CDH19: variants seen among roughly 807,000 people sequenced by gnomAD.
CDH19 encodes cadherin 19.
Under a neutral mutation model 64.2 loss-of-function variants are expected in CDH19, and 67 were observed. That is an observed-to-expected ratio of 1.04 (90% CI 0.86 to 1.28). CDH19 has a LOEUF of 1.28. Ranked by LOEUF, CDH19 falls within the 50% of genes most tolerant of loss-of-function variation. The pLI is 0.00. For missense variants in CDH19, 1,030 were observed against 929.0 expected, an observed-to-expected ratio of 1.11 and a Z score of -1.41; for synonymous variants, 346 against 319.3, an observed-to-expected ratio of 1.08 and a Z score of -0.89.
intron 1 of CDH19, among the ~76,000 whole-genome samples, chr18:66,587,579 C>A (rs540302110): frequency 1.3e-5 from 2 of 152,204 alleles, no homozygotes; most frequent in African/African-American, 4.8e-5. Context: ...GGTTACATGA[C>A]TGGTTTTACT....
intron 3 of CDH19, among the ~76,000 whole-genome samples, chr18:66,561,458 T>C (rs1412027574): frequency 6.6e-6 from 1 of 152,146 alleles, no homozygotes; most frequent in Non-Finnish European, 1.5e-5. Flanking sequence ...CCTTAAGTCC[T>C]ATTATTCCCT....
At chr18:66,603,341 T>A (rs536049179) in intron 1 of CDH19, among the ~76,000 whole-genome samples, 1 of 151,532 alleles carries the variant, frequency 6.6e-6, no homozygotes, top group South Asian at 2.1e-4. Context: ...CTTTCATATT[T>A]GAGAAATTAC....
At chr18:66,582,086 A>G (rs1027138925) in intron 1 of CDH19, among the ~76,000 whole-genome samples, 1 of 152,130 alleles carries the variant, frequency 6.6e-6, no homozygotes. Flanking sequence ...TGTGACATCT[A>G]TATCTAATGG....
At chr18:66,563,585 C>T (rs1987800631) in intron 3 of CDH19, among the ~76,000 whole-genome samples, 1 of 151,970 alleles carries the variant, frequency 6.6e-6, no homozygotes, top group Admixed American at 6.6e-5. Flanking sequence ...TGATCAAATA[C>T]ATGACATAAG....
intron 9 of CDH19, among the ~76,000 whole-genome samples, chr18:66,522,192 C>T (rs972618884): frequency 2.6e-5 from 4 of 151,696 alleles, no homozygotes; most frequent in African/African-American, 9.7e-5. Context: ...TCCTGATCCG[C>T]CCGCCTCAGC....
rs8091789 is a variant in CDH19, at chr18:66,505,552, T to C, written c.1829-250A>G. On this transcript the variant is annotated intron_variant, in intron 11 of 11. Coordinates refer to ENST00000262150, the MANE Select transcript of CDH19 (RefSeq NM_021153.4). ...ATATAGTGAACTATATTTATTAATA[T>C]ATATATTAATATATATATAATATAA... Among the ~76,000 whole-genome samples, 622 of 135,250 alleles carry C rather than the reference T, an allele frequency of 4.6e-3. 1 individual carries two copies. The highest frequency in any genetic ancestry group is 0.015 in the African/African-American group (575 of 38,712). 88.7% of individuals were successfully genotyped at this position (135,250 alleles called of 152,430 possible).
At chr18:66,528,866 C>T (rs1986325378) in intron 9 of CDH19, among the ~76,000 whole-genome samples, 1 of 151,830 alleles carries the variant, frequency 6.6e-6, no homozygotes, top group Non-Finnish European at 1.5e-5. Context: ...TTCAAAGCTA[C>T]TTAGAATAAT....
chr18:66,538,035 T>C (rs994219357), intron 7 of CDH19, among the ~76,000 whole-genome samples: 1 of 152,096 alleles, frequency 6.6e-6, no homozygotes, highest in African/African-American at 2.4e-5. Context: ...ATCTTAGTCT[T>C]ACTATCTACA....
intron 1 of CDH19, among the ~76,000 whole-genome samples, chr18:66,593,368 A>G (rs1199729842): frequency 2.0e-5 from 3 of 151,964 alleles, no homozygotes; most frequent in Non-Finnish European, 4.4e-5. Context: ...GTTCTTATAC[A>G]AAAAAATTTA....
At chr18:66,566,746 C>G (rs182777638) in intron 3 of CDH19, among the ~76,000 whole-genome samples, 62 of 151,986 alleles carry the variant, frequency 4.1e-4, no homozygotes, top group Non-Finnish European at 7.8e-4. Flanking sequence ...TTCCCTTCTT[C>G]CTACAACGCT....
intron 3 of CDH19, among the ~76,000 whole-genome samples, chr18:66,559,685 T>C (rs1235592237): frequency 2.0e-5 from 3 of 150,792 alleles, no homozygotes; most frequent in Non-Finnish European, 4.4e-5. Flanking sequence ...TGAATATATA[T>C]ATGTATATAC....
chr18:66,528,344 T>C (rs999507764), intron 9 of CDH19, among the ~76,000 whole-genome samples: 1 of 152,134 alleles, frequency 6.6e-6, no homozygotes, highest in Non-Finnish European at 1.5e-5. Flanking sequence ...CATTCTGTTT[T>C]TGTGATCTCT....
At chr18:66,573,759 T>C (rs1468080892) in intron 1 of CDH19, among the ~76,000 whole-genome samples, 2 of 151,606 alleles carry the variant, frequency 1.3e-5, no homozygotes, top group East Asian at 1.9e-4. Context: ...AATAAAATAG[T>C]GTAATGAACA....
intron 5 of CDH19, among the ~76,000 whole-genome samples, chr18:66,547,913 C>T (rs1438573119): frequency 1.4e-5 from 2 of 142,900 alleles, no homozygotes; most frequent in Admixed American, 6.9e-5. Flanking sequence ...GTGATCCGCC[C>T]GCCTCGGCCT....
intron 1 of CDH19, among the ~76,000 whole-genome samples, chr18:66,596,720 C>A (rs895741856): frequency 6.6e-6 from 1 of 151,998 alleles, no homozygotes; most frequent in Non-Finnish European, 1.5e-5. Context: ...TGACCATAAT[C>A]CTCAAGGAAT....
chr18:66,590,450 G>GA lies in CDH19; in HGVS notation c.-113+13503dup, dbSNP rs545010518. 7.4e-3 allele frequency among the ~76,000 whole-genome samples: 1,113 copies of GA among 151,422 alleles called. 5 individuals carry two copies. The highest frequency in any genetic ancestry group is 0.031 in the Middle Eastern group (9 of 294). ...TTGGTGGGATTGGAATTAAGACAAA[G>GA]AATTTTGCTTTCTTTAGAGCTGGTA... On this transcript the variant is annotated intron_variant, in intron 1 of 11. Transcript: ENST00000262150.
rs147919265 is a variant in CDH19, at chr18:66,585,188, T to C, written c.-112-12872A>G. Among the ~76,000 whole-genome samples, 79 of 152,122 alleles carry C rather than the reference T, an allele frequency of 5.2e-4. No individual in the cohort carries two copies. The East Asian group carries it at 0.01, about 19-fold the overall frequency. Reference sequence around the variant, plus strand: ...AACACATACAATATAATTTCTTTAATTGAAGGAAAAAAGTTGTAGACAAAT... The same window carrying C: ...AACACATACAATATAATTTCTTTAACTGAAGGAAAAAAGTTGTAGACAAAT... On this transcript the variant is annotated intron_variant, in intron 1 of 11. Coordinates refer to ENST00000262150, the MANE Select transcript of CDH19 (RefSeq NM_021153.4).
At chr18:66,542,042 T>C (rs547491096) in intron 7 of CDH19, among the ~76,000 whole-genome samples, 1 of 152,270 alleles carries the variant, frequency 6.6e-6, no homozygotes, top group South Asian at 2.1e-4. Flanking sequence ...TTAACAGTTT[T>C]CAATACTTTA....
intron 5 of CDH19, among the ~76,000 whole-genome samples, chr18:66,546,713 A>C (rs997187051): frequency 2.0e-5 from 3 of 152,122 alleles, no homozygotes; most frequent in Non-Finnish European, 4.4e-5. Context: ...CTTAAAATTA[A>C]AGATAAGGTG....
Sources: gnomAD v4.1 joint callset for allele counts (sites outside exome capture counted in the v4.1 genomes callset) on GRCh38, gnomAD v4.1.1 for gene constraint, MANE v1.5 for transcripts, NCBI Gene and HGNC (gene_info 2026-07-23, HGNC 2026-07-21) for gene names.